Variants in TMPO observed in about 807,000 individuals in gnomAD.
TMPO encodes the protein LEM domain containing 4.
TMPO carries 22 observed loss-of-function variants against 45.4 expected under a neutral mutation model. That is an observed-to-expected ratio of 0.48 (90% CI 0.35 to 0.69). TMPO has a LOEUF of 0.69. Among genes scored for constraint, TMPO ranks in the 30% least tolerant of loss-of-function variants. The pLI, the probability that TMPO is intolerant of heterozygous loss-of-function variation, is 0.01. For synonymous variants in TMPO, 241 were observed against 204.1 expected, an observed-to-expected ratio of 1.18 and a Z score of -1.54; for missense variants, 512 against 548.8, an observed-to-expected ratio of 0.93 and a Z score of 0.67.
chr12:98,534,013 A>C (rs1877399544), intron 3 of TMPO: 1 of 1,607,758 alleles, frequency 6.2e-7, no homozygotes, highest in Admixed American at 1.7e-5. Flanking sequence ...TGCAACTCAC[A>C]CTGCCTTTGT....
chr12:98,542,133 G>T (rs1027768056), intron 4 of TMPO, among the ~76,000 whole-genome samples: 10 of 152,116 alleles, frequency 6.6e-5, no homozygotes, highest in African/African-American at 2.2e-4. Context: ...CATATTTTTT[G>T]CCAGTTTATC....
In TMPO at chr12:98,550,275, T is replaced by G. The variant is rs554014065; in HGVS notation, c.*2417T>G. ...CTGATTAAATTGTAGATGTAGACTT[T>G]ACAATATAATTCAATAATAAAAAGT... is the stretch of plus-strand genomic sequence containing the variant. On this transcript the variant is annotated 3_prime_UTR_variant, in exon 9 of 9. Coordinates refer to ENST00000556029, the MANE Select transcript of TMPO (RefSeq NM_001032283.3). 5 of 152,388 alleles carry G rather than the reference T, an allele frequency of 3.3e-5. No individual in the cohort carries two copies. The highest frequency in any genetic ancestry group is 1.2e-4 in the African/African-American group (5 of 41,592). 9.4% of individuals were successfully genotyped at this position (152,388 alleles called of 1,614,324 possible).
chr12:98,526,459 C>T (rs1266843279), intron 1 of TMPO, among the ~76,000 whole-genome samples: 3 of 152,182 alleles, frequency 2.0e-5, no homozygotes, highest in East Asian at 1.9e-4. Flanking sequence ...CTTATAACGC[C>T]TAATACAATG....
intron 3 of TMPO, among the ~76,000 whole-genome samples, chr12:98,536,906 G>T (rs1877606274): frequency 6.6e-6 from 1 of 152,164 alleles, no homozygotes; most frequent in Non-Finnish European, 1.5e-5. Flanking sequence ...TTCTTTACCT[G>T]AGTTGTACCT....
intron 6 of TMPO, 39 bp downstream of exon 6, chr12:98,544,576 G>A: frequency 1.3e-6 from 2 of 1,516,330 alleles, no homozygotes. Context: ...GGTATTCTTT[G>A]TAAATTACCC....
At chr12:98,532,854 C>T in intron 3 of TMPO, 1 of 1,614,154 alleles carries the variant, frequency 6.2e-7, no homozygotes, top group African/African-American at 1.3e-5. Context: ...AAGTGAAGTC[C>T]ACTAGGGATA....
Position 98,548,014 on chromosome 12 carries a change from T to C in TMPO, c.*156T>C. On this transcript the variant is annotated 3_prime_UTR_variant, in exon 9 of 9. Coordinates refer to ENST00000556029, the MANE Select transcript of TMPO (RefSeq NM_001032283.3). ...GAAAAGCAAACAAAATATATATAAA[T>C]GGACTTCATTAAAATGTTTTTGAAC... 1 of 819,886 alleles carries C rather than the reference T, an allele frequency of 1.2e-6. No homozygotes were observed. The highest frequency in any genetic ancestry group is 1.9e-6 in the Non-Finnish European group (1 of 536,570). 50.8% of individuals were successfully genotyped at this position (819,886 alleles called of 1,614,324 possible).
At chr12:98,527,177 A>G (rs988792283) in intron 1 of TMPO, among the ~76,000 whole-genome samples, 1 of 151,868 alleles carries the variant, frequency 6.6e-6, no homozygotes, top group African/African-American at 2.4e-5. Flanking sequence ...CATTGGAGTT[A>G]TATGCTTTAA....
At chr12:98,529,744 G>A (rs1399567402) in intron 2 of TMPO, among the ~76,000 whole-genome samples, 1 of 151,834 alleles carries the variant, frequency 6.6e-6, no homozygotes, top group Non-Finnish European at 1.5e-5. Context: ...GTTTTTGTAG[G>A]GATGGGGGCA....
intron 4 of TMPO, among the ~76,000 whole-genome samples, chr12:98,539,649 T>A (rs185143680): frequency 6.6e-6 from 1 of 152,158 alleles, no homozygotes; most frequent in African/African-American, 2.4e-5. Context: ...AGTTTTTGAA[T>A]TCTTAGTAGA....
At chr12:98,533,564 CAG>C (rs1277466656) in intron 3 of TMPO, 1 of 1,614,150 alleles carries the variant, frequency 6.2e-7, no homozygotes, top group Non-Finnish European at 8.5e-7. Flanking sequence ...AGTGAGAAGT[CAG>C]TGGAGGAAAG....
chr12:98,518,145 CAAAA>C (rs35978276), intron 1 of TMPO, among the ~76,000 whole-genome samples: 15 of 98,314 alleles, frequency 1.5e-4, no homozygotes, highest in African/African-American at 4.0e-4. Context: ...GACTTCGTCT[CAAAA>C]AAAAAAAAAA....
intron 1 of TMPO, 53 bp from the exon 2 acceptor site, chr12:98,527,833 A>G (rs1426037501): frequency 2.5e-6 from 4 of 1,604,074 alleles, no homozygotes; most frequent in East Asian, 4.5e-5. Context: ...GTTATTATCT[A>G]GTAAGTGAAC....
At chr12:98,541,536 G>A (rs1404627539) in intron 4 of TMPO, among the ~76,000 whole-genome samples, 1 of 152,036 alleles carries the variant, frequency 6.6e-6, no homozygotes. Flanking sequence ...ATGCAATTTG[G>A]GCTTTTGTTT....
At chr12:98,534,894 G>C in intron 3 of TMPO, 4 of 982,216 alleles carry the variant, frequency 4.1e-6, no homozygotes, top group Non-Finnish European at 4.8e-6. Context: ...GCAACTCAAA[G>C]CACCAGTCTA....
At chr12:98,534,456 GCTT>G in intron 3 of TMPO, 1 of 1,552,518 alleles carries the variant, frequency 6.4e-7, no homozygotes, top group Non-Finnish European at 8.6e-7. Flanking sequence ...AAAATGTTAA[GCTT>G]CTACCCATCA....
Position 98,547,821 on chromosome 12 carries a change from C to G in TMPO, c.1328C>G (p.Ser443Cys), listed in dbSNP as rs1204549563. ...GAAACCAACCAAGTAAATCCCTTCT[C>G]TAATTTTCTTCATGTTGACCCTAGA... ...AMETNQVNPF[S>C]NFLHVDPRKS... is the part of the protein sequence containing the mutation. The change falls in exon 9 of 9, where the codon TCT becomes TGT. Residue 443 changes from serine to cysteine, a missense_variant. Coordinates refer to ENST00000556029, the MANE Select transcript of TMPO (RefSeq NM_001032283.3). 1.2e-6 allele frequency: 2 copies of G among 1,613,934 alleles called. No homozygotes were observed. The highest frequency in any genetic ancestry group is 1.3e-5 in the African/African-American group (1 of 74,912).
At chr12:98,531,064 G>A (rs1237073861) in intron 2 of TMPO, among the ~76,000 whole-genome samples, 1 of 151,908 alleles carries the variant, frequency 6.6e-6, no homozygotes, top group African/African-American at 2.4e-5. Flanking sequence ...TCAGCTTCCT[G>A]AGTGGCTGGG....
intron 1 of TMPO, among the ~76,000 whole-genome samples, chr12:98,517,783 A>C (rs1470896644): frequency 6.6e-6 from 1 of 152,268 alleles, no homozygotes; most frequent in Non-Finnish European, 1.5e-5. Flanking sequence ...TTAATAAACA[A>C]ATTTACTTTT....
Sources: allele counts gnomAD v4.1 joint callset (sites outside exome capture counted in the v4.1 genomes callset), GRCh38; gene constraint gnomAD v4.1.1; transcripts MANE v1.5; gene names NCBI Gene and HGNC (gene_info 2026-07-23, HGNC 2026-07-21).